The following C3orf49 variants were observed in gnomAD, a reference collection of about 807,000 sequenced individuals.
C3orf49 encodes the protein chromosome 3 open reading frame 49, also known as putative uncharacterized protein C3orf49.
Under a neutral mutation model 13.3 loss-of-function variants are expected in C3orf49, and 27 were observed. That is an observed-to-expected ratio of 2.02 (90% CI 1.49 to 2.79). The LOEUF (loss-of-function observed/expected upper bound fraction) is 2.79. Ranked by LOEUF, C3orf49 falls within the 30% of genes most tolerant of loss-of-function variation. The probability of loss-of-function intolerance (pLI) is 0.00; values close to 1 mark genes in which losing one functional copy is unlikely to be tolerated. For synonymous variants in C3orf49, 87 were observed against 47.6 expected, an observed-to-expected ratio of 1.83 and a Z score of -3.40; for missense variants, 242 against 134.2, an observed-to-expected ratio of 1.80 and a Z score of -3.97.
chr3:63,782,278 A>T, the C3orf49 span, among the ~76,000 whole-genome samples: 22 of 152,344 alleles, frequency 1.4e-4, no homozygotes, highest in African/African-American at 5.3e-4. Context: ...CTTTTTAAAA[A>T]ATCTTACATC....
chr3:63,806,655 T>G, the C3orf49 span, among the ~76,000 whole-genome samples: 13 of 152,202 alleles, frequency 8.5e-5, no homozygotes, highest in Admixed American at 3.3e-4. Context: ...ATCCCGAACT[T>G]CTTTCCACTT....
At chr3:63,824,851 A>G (rs1304758739) in intron 2 of C3orf49, among the ~76,000 whole-genome samples, 7 of 151,064 alleles carry the variant, frequency 4.6e-5, no homozygotes, top group South Asian at 2.1e-4. Flanking sequence ...AAAAAAAAAA[A>G]AAAGAAAAAG....
In C3orf49 at chr3:63,845,059, A is replaced by G. The variant is rs751167010; in HGVS notation, c.*7A>G. The G allele has an allele frequency of 4.3e-6, 3 of 696,612 alleles. No individual in the cohort carries two copies. Among genetic ancestry groups the G allele is most frequent in the Admixed American group, 2.0e-5 (1 of 49,414 alleles). The allele number at this position is 696,612 out of a possible 1,614,324, so 43.2% of individuals were successfully genotyped here. On this transcript the variant is annotated 3_prime_UTR_variant, in exon 6 of 7. Transcript: ENST00000295896. The stretch of plus-strand genomic sequence containing the variant: ...AGGACCTGGAGACAGCTGACCTGAG[A>G]CTCCTTGAGGAACACAGGAAAAGGT...
chr3:63,831,691 C>T lies in C3orf49; in HGVS notation c.696C>T (p.Leu232=), dbSNP rs1268447074. The T allele has an allele frequency of 1.4e-6, 1 of 702,918 alleles. No individual in the cohort carries two copies. Among genetic ancestry groups the T allele is most frequent in the Non-Finnish European group, 2.6e-6 (1 of 385,026 alleles). The allele number at this position is 702,918 out of a possible 1,614,324, so 43.5% of individuals were successfully genotyped here. A position where few individuals can be genotyped will look rare whatever the true frequency, so the allele number is the denominator to read the frequency against. The change falls in exon 5 of 7, where the codon CTC becomes CTT. Residue 232 remains leucine (L), a synonymous_variant. Coordinates refer to ENST00000295896, the MANE Select transcript of C3orf49 (RefSeq NM_001355236.2). ...VGKLQMQVDD[L]IETVTDKSMK... ...TTTATCTGTCATAGGTGGATGACCT[C>T]ATAGAAACAGTGACTGATAAATCCA...
At chr3:63,783,459 G>T in the C3orf49 span, among the ~76,000 whole-genome samples, 1 of 151,448 alleles carries the variant, frequency 6.6e-6, no homozygotes, top group Non-Finnish European at 1.5e-5. Flanking sequence ...GAGGCAGGCA[G>T]ATCACAAGGT....
At chr3:63,780,194 T>G in the C3orf49 span, among the ~76,000 whole-genome samples, 20 of 152,314 alleles carry the variant, frequency 1.3e-4, no homozygotes, top group Non-Finnish European at 2.6e-4. Flanking sequence ...CTTGTGTCCA[T>G]GTGTTCTCAT....
At chr3:63,799,395 A>C in the C3orf49 span, among the ~76,000 whole-genome samples, 1 of 152,172 alleles carries the variant, frequency 6.6e-6, no homozygotes, top group Non-Finnish European at 1.5e-5. Context: ...AGTTGCCTGG[A>C]GCAAGTATCC....
chr3:63,792,626 G>C, the C3orf49 span, among the ~76,000 whole-genome samples: 1 of 152,164 alleles, frequency 6.6e-6, no homozygotes, highest in Non-Finnish European at 1.5e-5. Flanking sequence ...CATTTCCTGA[G>C]AGTCTATTAT....
At chr3:63,795,032 C>T in the C3orf49 span, among the ~76,000 whole-genome samples, 2 of 152,192 alleles carry the variant, frequency 1.3e-5, no homozygotes, top group African/African-American at 2.4e-5. Flanking sequence ...TTTAACTTCA[C>T]TCCAGCCTCT....
the C3orf49 span, among the ~76,000 whole-genome samples, chr3:63,802,513 T>C: frequency 6.6e-6 from 1 of 152,244 alleles, no homozygotes; most frequent in Non-Finnish European, 1.5e-5. Flanking sequence ...TGCTGCATAA[T>C]TGAACTACTT....
chr3:63,843,578 T>C (rs1283162789), intron 5 of C3orf49, among the ~76,000 whole-genome samples: 1 of 152,006 alleles, frequency 6.6e-6, no homozygotes, highest in African/African-American at 2.4e-5. Context: ...TGGAATCAAT[T>C]TGGGTGTTTA....
chr3:63,805,946 T>G, the C3orf49 span, among the ~76,000 whole-genome samples: 2 of 152,186 alleles, frequency 1.3e-5, no homozygotes, highest in Admixed American at 1.3e-4. Context: ...TTGTTTTGGT[T>G]TTGTTTTTTT....
At chr3:63,837,997 G>A (rs757058350) in intron 5 of C3orf49, 15 of 1,607,160 alleles carry the variant, frequency 9.3e-6, no homozygotes, top group Non-Finnish European at 1.0e-5. Flanking sequence ...TTTCGTATTC[G>A]TTTTGCTTGA....
chr3:63,844,603 CTGA>C (rs1701846571), intron 5 of C3orf49, among the ~76,000 whole-genome samples: 1 of 152,122 alleles, frequency 6.6e-6, no homozygotes, highest in African/African-American at 2.4e-5. Flanking sequence ...GGACTGTGCC[CTGA>C]TGAACAGGCT....
At chr3:63,817,072 C>T (rs1432262139), upstream of C3orf49, among the ~76,000 whole-genome samples, 1 of 152,012 alleles carries the variant, frequency 6.6e-6, no homozygotes, top group Non-Finnish European at 1.5e-5. Flanking sequence ...TCGCACCTGA[C>T]CGCTTTCTTC....
the C3orf49 span, among the ~76,000 whole-genome samples, chr3:63,795,451 C>T: frequency 6.6e-6 from 1 of 152,090 alleles, no homozygotes; most frequent in Non-Finnish European, 1.5e-5. Context: ...GTCCTTTTGT[C>T]CAATTCTTTG....
At chr3:63,827,308 T>C (rs1701475886) in intron 2 of C3orf49, 1 of 233,074 alleles carries the variant, frequency 4.3e-6, no homozygotes, top group Non-Finnish European at 8.3e-6. Context: ...ACTTTTCTAA[T>C]TCCACAATGG....
the C3orf49 span, among the ~76,000 whole-genome samples, chr3:63,793,053 C>G: frequency 6.6e-6 from 1 of 152,192 alleles, no homozygotes; most frequent in Non-Finnish European, 1.5e-5. Flanking sequence ...TGGGTTCCCA[C>G]TCCTTTCACA....
chr3:63,847,602 G>A (rs1458682437), intron 6 of C3orf49, among the ~76,000 whole-genome samples: 1 of 151,986 alleles, frequency 6.6e-6, no homozygotes, highest in African/African-American at 2.4e-5. Context: ...CCGGGTGTGG[G>A]GTTGCGTGCC....
Sources: allele counts gnomAD v4.1 joint callset (sites outside exome capture counted in the v4.1 genomes callset), GRCh38; gene constraint gnomAD v4.1.1; transcripts MANE v1.5; gene names NCBI Gene and HGNC (gene_info 2026-07-23, HGNC 2026-07-21).